The following ATXN2 variants were observed in gnomAD, a reference collection of about 807,000 sequenced individuals.
ATXN2 encodes the protein ataxin-2.
ATXN2 carries 37 observed loss-of-function variants against 138.6 expected under a neutral mutation model. That is an observed-to-expected ratio of 0.27 (90% CI 0.21 to 0.35). ATXN2 has a LOEUF of 0.35. Among genes scored for constraint, ATXN2 ranks in the 10% least tolerant of loss-of-function variants. The probability of loss-of-function intolerance (pLI) is 1.00; values close to 1 mark genes in which losing one functional copy is unlikely to be tolerated. For missense variants in ATXN2, 1,216 were observed against 1,480.3 expected (o/e 0.82, Z 2.93); for synonymous variants, 549 against 543.7 (o/e 1.01, Z -0.13).
chr12:111,508,105 C>A (rs1416244472), intron 14 of ATXN2, among the ~76,000 whole-genome samples: 2 of 151,760 alleles, frequency 1.3e-5, no homozygotes, highest in Non-Finnish European at 2.9e-5. Flanking sequence ...CACTATTGTC[C>A]TATGACCCTG....
chr12:111,583,088 G>C (rs2135833965), intron 1 of ATXN2, among the ~76,000 whole-genome samples: 1 of 148,922 alleles, frequency 6.7e-6, no homozygotes, highest in South Asian at 2.1e-4. Context: ...CACCTCCTGG[G>C]TTCAAGCGAT....
chr12:111,521,739 G>A (rs141843855), intron 6 of ATXN2, among the ~76,000 whole-genome samples: 30 of 152,214 alleles, frequency 2.0e-4, no homozygotes, highest in Non-Finnish European at 3.8e-4. Context: ...ATTACCATTC[G>A]CAAAAGGGAG....
At chr12:111,539,988 C>A (rs1881410587) in intron 5 of ATXN2, among the ~76,000 whole-genome samples, 1 of 150,228 alleles carries the variant, frequency 6.7e-6, no homozygotes, top group African/African-American at 2.4e-5. Flanking sequence ...AATTCCAATT[C>A]TTACAGCTGT....
At chr12:111,577,221 C>G (rs1253410925) in intron 1 of ATXN2, among the ~76,000 whole-genome samples, 2 of 152,116 alleles carry the variant, frequency 1.3e-5, no homozygotes, top group African/African-American at 4.8e-5. Flanking sequence ...CCAAACAAGT[C>G]AGATCGCAAA....
intron 11 of ATXN2, 89 bp from the exon 12 acceptor site, chr12:111,510,671 A>T: frequency 1.6e-6 from 2 of 1,224,006 alleles, no homozygotes; most frequent in Non-Finnish European, 2.3e-6. Flanking sequence ...AGATCTAGGT[A>T]AATAAAACTG....
intron 1 of ATXN2, among the ~76,000 whole-genome samples, chr12:111,587,639 G>C (rs1884410835): frequency 6.6e-6 from 1 of 151,856 alleles, no homozygotes; most frequent in Non-Finnish European, 1.5e-5. Flanking sequence ...CTGGCCAACA[G>C]GGTAAGACTC....
At chr12:111,497,279 G>A (rs1247458971) in intron 14 of ATXN2, among the ~76,000 whole-genome samples, 3 of 152,158 alleles carry the variant, frequency 2.0e-5, no homozygotes, top group Non-Finnish European at 4.4e-5. Context: ...TGGCTTCACT[G>A]CTGAATTCTA....
At chr12:111,533,215 T>C (rs1264522841) in intron 5 of ATXN2, among the ~76,000 whole-genome samples, 1 of 152,168 alleles carries the variant, frequency 6.6e-6, no homozygotes, top group Non-Finnish European at 1.5e-5. Flanking sequence ...AGAATAGTGT[T>C]CTCCAAATGA....
intron 8 of ATXN2, 60 bp downstream of exon 8, chr12:111,519,819 G>A (rs774417715): frequency 8.9e-5 from 143 of 1,611,702 alleles, no homozygotes; most frequent in Middle Eastern, 3.3e-4. Context: ...ACAATACACC[G>A]TCTCACACAG....
rs1175846381 is a variant in ATXN2 at position 111,452,608 on chromosome 12, G to T, written c.*204C>A. 3 of 609,166 alleles carry T rather than the reference G, an allele frequency of 4.9e-6. No individual in the cohort carries two copies. The East Asian group carries it at 8.6e-5, about 17-fold the overall frequency. The allele number at this position is 609,166 out of a possible 1,614,324, so 37.7% of individuals were successfully genotyped here. ...AAACAGCATATGGAATTATGGAATA[G>T]CCCCCAAGTTCCTAAATGCCTCTAC... On this transcript the variant is annotated 3_prime_UTR_variant, in exon 25 of 25. Transcript: ENST00000673436.
chr12:111,513,981 A>G (rs1027974536), intron 10 of ATXN2, among the ~76,000 whole-genome samples: 1 of 152,132 alleles, frequency 6.6e-6, no homozygotes, highest in Non-Finnish European at 1.5e-5. Context: ...CATTACTTCT[A>G]AAATTAGAAA....
chr12:111,483,975 T>C (rs1041316592), intron 18 of ATXN2, among the ~76,000 whole-genome samples: 3 of 151,346 alleles, frequency 2.0e-5, no homozygotes, highest in Non-Finnish European at 2.9e-5. Context: ...TTTGCAGAGA[T>C]AGGTTTTTGC....
chr12:111,470,664 G>A lies in ATXN2; in HGVS notation c.2603C>T (p.Pro868Leu), dbSNP rs976662127. The A allele has an allele frequency of 5.0e-6, 8 of 1,614,146 alleles. No homozygotes were observed. Among genetic ancestry groups the A allele is most frequent in the Admixed American group, 1.7e-5 (1 of 60,016 alleles). ...MMHPASAAGP[P>L]IAATPPAYST... ...GTAAGCTGGTGGGGTGGCTGCAATCGGTGGGCCCGCTGCTGACGCTGGGTG... is the reference window on the plus strand; with the variant it reads ...GTAAGCTGGTGGGGTGGCTGCAATCAGTGGGCCCGCTGCTGACGCTGGGTG... The change falls in exon 19 of 25, where the codon CCG becomes CTG. Residue 868 changes from proline (P) to leucine (L), a missense_variant. Physicochemically the swap from Pro to Leu is moderately conservative, Grantham distance 98 (BLOSUM62 -3). Coordinates refer to ENST00000673436, the MANE Select transcript of ATXN2 (RefSeq NM_001372574.1).
intron 1 of ATXN2, among the ~76,000 whole-genome samples, chr12:111,565,546 T>C (rs616559): frequency 0.3 from 46,261 of 152,066 alleles, 9,030 homozygotes; most frequent in African/African-American, 0.56. Flanking sequence ...TAATCGTTGA[T>C]GTTACCCTGA....
chr12:111,524,851 C>T (rs1422917636), intron 6 of ATXN2, among the ~76,000 whole-genome samples: 3 of 152,202 alleles, frequency 2.0e-5, no homozygotes, highest in African/African-American at 7.2e-5. Context: ...TTTCCTTAGG[C>T]TACCTTATTT....
intron 15 of ATXN2, among the ~76,000 whole-genome samples, chr12:111,487,410 T>C (rs576448273): frequency 7.9e-5 from 12 of 152,146 alleles, no homozygotes; most frequent in Middle Eastern, 3.4e-3. Context: ...CAGTAGCTAC[T>C]TATGAAATAT....
intron 3 of ATXN2, among the ~76,000 whole-genome samples, chr12:111,553,790 G>A (rs532624228): frequency 4.0e-5 from 6 of 151,556 alleles, no homozygotes; most frequent in Admixed American, 3.3e-4. Flanking sequence ...TTGTAGAGAC[G>A]GAGTTCTGCC....
chr12:111,507,724 G>A (rs574305237), intron 14 of ATXN2, among the ~76,000 whole-genome samples: 45 of 152,390 alleles, frequency 3.0e-4, no homozygotes, highest in African/African-American at 1.0e-3. Context: ...AGAAAAGGGG[G>A]AAAGGTGGGG....
chr12:111,532,899 C>G (rs1769349965), intron 5 of ATXN2, among the ~76,000 whole-genome samples: 1 of 150,750 alleles, frequency 6.6e-6, no homozygotes, highest in African/African-American at 2.4e-5. Context: ...GAGGCTCCAG[C>G]AAGAGCTGGA....
Sources: allele counts gnomAD v4.1 joint callset (sites outside exome capture counted in the v4.1 genomes callset), GRCh38; gene constraint gnomAD v4.1.1; transcripts MANE v1.5; gene names NCBI Gene and HGNC (gene_info 2026-07-23, HGNC 2026-07-21).